Variants in CAMKMT observed in about 807,000 individuals in gnomAD.
CAMKMT encodes CaM KMT.
CAMKMT carries 53 observed loss-of-function variants against 48.0 expected under a neutral mutation model. The observed-to-expected ratio is 1.10, with a 90% confidence interval of 0.89 to 1.39. The LOEUF (loss-of-function observed/expected upper bound fraction) is 1.39, where lower values mean the gene tolerates loss of function less well. Among genes scored for constraint, CAMKMT ranks in the 40% most tolerant of loss-of-function variants. The pLI is 0.00. For missense variants in CAMKMT, 428 were observed against 402.7 expected, an observed-to-expected ratio of 1.06 and a Z score of -0.54; for synonymous variants, 165 against 152.3, an observed-to-expected ratio of 1.08 and a Z score of -0.61.
intron 3 of CAMKMT, among the ~76,000 whole-genome samples, chr2:44,600,429 G>C (rs1219824697): frequency 6.6e-6 from 1 of 151,776 alleles, no homozygotes; most frequent in Admixed American, 6.6e-5. Context: ...AGCACACCCA[G>C]CTAATTTTTG....
At chr2:44,382,496 T>A (rs1680348436) in intron 2 of CAMKMT, among the ~76,000 whole-genome samples, 1 of 151,394 alleles carries the variant, frequency 6.6e-6, no homozygotes, top group African/African-American at 2.4e-5. Flanking sequence ...TTTTTTTTTT[T>A]GAGACAGAGT....
rs1667573188 is a variant in CAMKMT at position 44,456,558 on chromosome 2, T to C, written c.376+66253T>C. On this transcript the variant is annotated intron_variant, in intron 3 of 10. Coordinates refer to ENST00000378494, the MANE Select transcript of CAMKMT (RefSeq NM_024766.5). Reference sequence around the variant, plus strand: ...TACCTTTTCTATACATGTCATCCTTTCTCTTTTAGGGGAAGCAACCAGGGG... The same window carrying C: ...TACCTTTTCTATACATGTCATCCTTCCTCTTTTAGGGGAAGCAACCAGGGG... 5 of 1,549,548 alleles carry C rather than the reference T, an allele frequency of 3.2e-6. No homozygotes were observed. In the South Asian group the frequency reaches 6.0e-5, roughly 18 times the overall value.
intron 3 of CAMKMT, among the ~76,000 whole-genome samples, chr2:44,660,978 A>G (rs1185343916): frequency 6.6e-6 from 1 of 152,206 alleles, no homozygotes; most frequent in East Asian, 1.9e-4. Context: ...ATATGTATTG[A>G]ACAGGGATGA....
intron 3 of CAMKMT, among the ~76,000 whole-genome samples, chr2:44,562,873 C>G (rs1364068445): frequency 6.6e-6 from 1 of 152,154 alleles, no homozygotes; most frequent in African/African-American, 2.4e-5. Context: ...AAGCAGTGCT[C>G]CTAATATCAT....
intron 2 of CAMKMT, among the ~76,000 whole-genome samples, chr2:44,382,565 G>A (rs192779376): frequency 6.6e-6 from 1 of 150,888 alleles, no homozygotes; most frequent in Non-Finnish European, 1.5e-5. Context: ...TGCAAGCTCC[G>A]CCTCCCGGGT....
chr2:44,446,881 G>C (rs1316935251), intron 3 of CAMKMT, among the ~76,000 whole-genome samples: 1 of 152,086 alleles, frequency 6.6e-6, no homozygotes, highest in Non-Finnish European at 1.5e-5. Context: ...CATTACCTTT[G>C]TTGTTGTTGT....
chr2:44,443,659 T>C (rs1375906869), intron 3 of CAMKMT, among the ~76,000 whole-genome samples: 6 of 152,156 alleles, frequency 3.9e-5, no homozygotes, highest in Admixed American at 3.3e-4. Flanking sequence ...AGAATAAAGG[T>C]TGATCATGCA....
At chr2:44,508,134 CT>C (rs956901735) in intron 3 of CAMKMT, among the ~76,000 whole-genome samples, 6 of 152,180 alleles carry the variant, frequency 3.9e-5, no homozygotes, top group Non-Finnish European at 1.5e-5. Context: ...ACTTTAAGGA[CT>C]GGCATAGGTA....
intron 3 of CAMKMT, among the ~76,000 whole-genome samples, chr2:44,628,362 T>C (rs1205201937): frequency 6.6e-6 from 1 of 152,150 alleles, no homozygotes; most frequent in East Asian, 1.9e-4. Flanking sequence ...TGTTTTTCTC[T>C]ATTGTTTGTC....
intron 3 of CAMKMT, among the ~76,000 whole-genome samples, chr2:44,446,873 T>C (rs1667030695): frequency 6.6e-6 from 1 of 152,224 alleles, no homozygotes; most frequent in African/African-American, 2.4e-5. Context: ...ACCTGTGTCA[T>C]TACCTTTGTT....
At chr2:44,552,616 C>G (rs1293171247) in intron 3 of CAMKMT, among the ~76,000 whole-genome samples, 1 of 152,158 alleles carries the variant, frequency 6.6e-6, no homozygotes, top group African/African-American at 2.4e-5. Context: ...TTTCAGGAAC[C>G]ATGCTAAGCG....
In CAMKMT at chr2:44,501,864, A is replaced by G. The variant is rs150423258; in HGVS notation, c.376+111559A>G. Among the ~76,000 whole-genome samples the G allele has an allele frequency of 1.0e-3, 154 of 152,152 alleles. 1 individual carries two copies. The highest frequency in any genetic ancestry group is 3.5e-3 in the African/African-American group (145 of 41,514). The stretch of plus-strand genomic sequence containing the variant: ...ACATCACTGCATTCCAACCTGGGCA[A>G]TAGAGTAGCGGGGTGGGTTGGAGGC... On this transcript the variant is annotated intron_variant, in intron 3 of 10. Coordinates refer to ENST00000378494, the MANE Select transcript of CAMKMT (RefSeq NM_024766.5).
chr2:44,560,289 A>G (rs1668253831), intron 3 of CAMKMT, among the ~76,000 whole-genome samples: 1 of 151,916 alleles, frequency 6.6e-6, no homozygotes, highest in Non-Finnish European at 1.5e-5. Flanking sequence ...TTTAAAATTT[A>G]TTTTCTTTTA....
intron 3 of CAMKMT, among the ~76,000 whole-genome samples, chr2:44,394,031 C>T (rs914006049): frequency 6.6e-6 from 1 of 152,082 alleles, no homozygotes; most frequent in Non-Finnish European, 1.5e-5. Context: ...ATGCTTGGGT[C>T]TGTAGTAGAT....
chr2:44,442,674 C>G (rs913928747), intron 3 of CAMKMT, among the ~76,000 whole-genome samples: 5 of 152,212 alleles, frequency 3.3e-5, no homozygotes, highest in African/African-American at 4.8e-5. Flanking sequence ...ATGCTACCTT[C>G]TTGTTAAAGC....
chr2:44,497,535 G>A (rs1181004610), intron 3 of CAMKMT, among the ~76,000 whole-genome samples: 1 of 152,040 alleles, frequency 6.6e-6, no homozygotes, highest in East Asian at 1.9e-4. Context: ...TATTTGTATA[G>A]ATGTAGTAAA....
At chr2:44,550,543 A>G (rs965383099) in intron 3 of CAMKMT, 7 of 152,240 alleles carry the variant, frequency 4.6e-5, no homozygotes, top group African/African-American at 1.7e-4. Flanking sequence ...TTAAATGTCT[A>G]CTATAAAGTT....
chr2:44,589,906 A>AAAAAAAAAAAG (rs1670154809), intron 3 of CAMKMT, among the ~76,000 whole-genome samples: 1 of 84,262 alleles, frequency 1.2e-5, no homozygotes, highest in Non-Finnish European at 2.6e-5. Flanking sequence ...GAAAAAAAAA[A>AAAAAAAAAAAG]AAGAACGAAA....
intron 3 of CAMKMT, among the ~76,000 whole-genome samples, chr2:44,451,656 A>G (rs774841314): frequency 9.9e-5 from 15 of 151,910 alleles, no homozygotes; most frequent in Non-Finnish European, 1.9e-4. Context: ...TCTTTTTGCT[A>G]TTCTTTATTT....
Sources: allele counts gnomAD v4.1 joint callset (sites outside exome capture counted in the v4.1 genomes callset), GRCh38; gene constraint gnomAD v4.1.1; transcripts MANE v1.5; gene names NCBI Gene and HGNC (gene_info 2026-07-23, HGNC 2026-07-21).